The following KANK1 variants were observed in gnomAD, a reference collection of about 807,000 sequenced individuals.
The protein encoded by KANK1 is KN motif and ankyrin repeat domain-containing protein 1.
Under a neutral mutation model 106.2 loss-of-function variants are expected in KANK1, and 109 were observed. The ratio of observed to expected loss-of-function variants is 1.03; its 90% confidence interval spans 0.88 to 1.20. The LOEUF is 1.20. KANK1 is among the 50% of genes most tolerant of loss of function. KANK1 has a pLI of 0.00. For missense variants in KANK1, 2,399 were observed against 1,710.7 expected, an observed-to-expected ratio of 1.40 and a Z score of -7.10; for synonymous variants, 873 against 652.2, an observed-to-expected ratio of 1.34 and a Z score of -5.16.
intron 1 of KANK1, among the ~76,000 whole-genome samples, chr9:611,879 C>T (rs908941318): frequency 1.3e-5 from 2 of 152,142 alleles, no homozygotes; most frequent in Non-Finnish European, 2.9e-5. Flanking sequence ...CCACCACACC[C>T]GGCTAATTTT....
intron 1 of KANK1, among the ~76,000 whole-genome samples, chr9:603,958 C>CA (rs71314719): frequency 0.098 from 9,284 of 94,390 alleles, 499 homozygotes; most frequent in African/African-American, 0.17. Context: ...GACTCTGTCT[C>CA]AAAAAAAAAA....
At chr9:579,880 T>C (rs1210544883) in intron 1 of KANK1, among the ~76,000 whole-genome samples, 1 of 152,150 alleles carries the variant, frequency 6.6e-6, no homozygotes, top group African/African-American at 2.4e-5. Flanking sequence ...AGACAGTGAA[T>C]CAGTCCTGGA....
At chr9:657,529 G>T (rs1265791920) in intron 1 of KANK1, among the ~76,000 whole-genome samples, 1 of 151,918 alleles carries the variant, frequency 6.6e-6, no homozygotes, top group Admixed American at 6.6e-5. Flanking sequence ...TTCTCTACAT[G>T]CTACCGATGC....
intron 1 of KANK1, among the ~76,000 whole-genome samples, chr9:564,149 T>C (rs1817217998): frequency 6.6e-6 from 1 of 151,086 alleles, no homozygotes; most frequent in Non-Finnish European, 1.5e-5. Context: ...AAGCTCCGCC[T>C]CCCGGGTTCA....
chr9:626,500 T>G (rs1834382725), intron 1 of KANK1, among the ~76,000 whole-genome samples: 1 of 152,214 alleles, frequency 6.6e-6, no homozygotes, highest in South Asian at 2.1e-4. Flanking sequence ...TTCTGAATGC[T>G]CCTTTAGTCA....
intron 1 of KANK1, among the ~76,000 whole-genome samples, chr9:594,113 G>T (rs1190713306): frequency 2.0e-5 from 3 of 151,946 alleles, no homozygotes; most frequent in Admixed American, 6.5e-5. Flanking sequence ...TTATGCAGAA[G>T]TGCACTTGTT....
At chr9:560,890 A>T (rs768251349) in intron 1 of KANK1, among the ~76,000 whole-genome samples, 1 of 152,202 alleles carries the variant, frequency 6.6e-6, no homozygotes, top group Non-Finnish European at 1.5e-5. Flanking sequence ...TGTTTATAGA[A>T]TGGGAGACCT....
At chr9:680,598 G>C (rs914267169) in intron 2 of KANK1, among the ~76,000 whole-genome samples, 2 of 152,110 alleles carry the variant, frequency 1.3e-5, no homozygotes, top group Non-Finnish European at 2.9e-5. Context: ...GCTGTTTTAG[G>C]TACTGGGGAT....
At chr9:729,589 A>T (rs1277127788) in intron 3 of KANK1, among the ~76,000 whole-genome samples, 2 of 152,244 alleles carry the variant, frequency 1.3e-5, no homozygotes. Context: ...TGCGGGGGTC[A>T]GCCAGTACCA....
At chr9:576,059 A>G (rs1360286624) in intron 1 of KANK1, among the ~76,000 whole-genome samples, 1 of 152,152 alleles carries the variant, frequency 6.6e-6, no homozygotes, top group African/African-American at 2.4e-5. Context: ...ATGATTCCCA[A>G]AGTATGGTCT....
chr9:587,390 T>A (rs1266352118), intron 1 of KANK1, among the ~76,000 whole-genome samples: 1 of 152,110 alleles, frequency 6.6e-6, no homozygotes, highest in Non-Finnish European at 1.5e-5. Flanking sequence ...AATACCCCAT[T>A]TTCATAAACA....
chr9:596,003 G>A (rs1212680606), intron 1 of KANK1, among the ~76,000 whole-genome samples: 2 of 151,722 alleles, frequency 1.3e-5, no homozygotes, highest in South Asian at 4.2e-4. Context: ...AAATTCCTTG[G>A]GGATGAGACA....
At chr9:548,132 A>G (rs2061045173) in intron 1 of KANK1, among the ~76,000 whole-genome samples, 1 of 152,198 alleles carries the variant, frequency 6.6e-6, no homozygotes, top group African/African-American at 2.4e-5. Context: ...AGTACTAAAA[A>G]ATTCCTTAGG....
chr9:529,215 C>G lies in KANK1; in HGVS notation c.-84+24461C>G, dbSNP rs991309949. On this transcript the variant is annotated intron_variant, in intron 1 of 11. Transcript: ENST00000382297. ...GGTATTCCTCCTTCCAGAGATAACTCTGTTAATATATATATATATACACAC... is the reference window on the plus strand; with the variant it reads ...GGTATTCCTCCTTCCAGAGATAACTGTGTTAATATATATATATATACACAC... Among the ~76,000 whole-genome samples the G allele has an allele frequency of 4.0e-5, 6 of 150,564 alleles. No homozygotes were observed. In the East Asian group the frequency reaches 9.7e-4, roughly 24 times the overall value.
intron 1 of KANK1, among the ~76,000 whole-genome samples, chr9:541,407 A>C (rs2060590721): frequency 6.6e-6 from 1 of 152,230 alleles, no homozygotes; most frequent in South Asian, 2.1e-4. Context: ...CTCACACCAT[A>C]TACAAAAATC....
At chr9:512,216 G>C (rs79032534) in intron 1 of KANK1, among the ~76,000 whole-genome samples, 3,315 of 149,428 alleles carry the variant, frequency 0.022, 131 homozygotes, top group South Asian at 0.11. Flanking sequence ...GCTCTCCAGA[G>C]AAACATAACC....
intron 1 of KANK1, among the ~76,000 whole-genome samples, chr9:616,705 T>G (rs920969021): frequency 2.0e-5 from 3 of 151,286 alleles, no homozygotes; most frequent in Non-Finnish European, 4.4e-5. Flanking sequence ...ATTTTTTTAC[T>G]CATATGCTAC....
intron 1 of KANK1, among the ~76,000 whole-genome samples, chr9:606,444 T>C (rs1181322900): frequency 6.8e-6 from 1 of 147,322 alleles, no homozygotes; most frequent in East Asian, 1.9e-4. Flanking sequence ...TAATCTCAGC[T>C]ACTCAGGAGG....
chr9:744,183 C>T (rs903304590), intron 10 of KANK1, among the ~76,000 whole-genome samples: 2 of 116,448 alleles, frequency 1.7e-5, no homozygotes, highest in Non-Finnish European at 3.7e-5. Context: ...CCTGGTCATT[C>T]ATAATTAATT....
Sources: allele counts gnomAD v4.1 joint callset (sites outside exome capture counted in the v4.1 genomes callset), GRCh38; gene constraint gnomAD v4.1.1; transcripts MANE v1.5; gene names NCBI Gene and HGNC (gene_info 2026-07-23, HGNC 2026-07-21).